The following DLC1 variants were observed in gnomAD, a reference collection of about 807,000 sequenced individuals.
DLC1 encodes the protein DLC1 Rho GTPase activating protein, also known as rho GTPase-activating protein 7.
Under a neutral mutation model 140.3 loss-of-function variants are expected in DLC1, and 54 were observed. The ratio of observed to expected loss-of-function variants is 0.38; its 90% CI spans 0.31 to 0.48. The LOEUF (loss-of-function observed/expected upper bound fraction) is 0.48, where lower values mean the gene tolerates loss of function less well. Among genes scored for constraint, DLC1 ranks in the 20% least tolerant of loss-of-function variants. The pLI is 0.96. For missense variants in DLC1, 2,536 were observed against 1,907.0 expected, an observed-to-expected ratio of 1.33 and a Z score of -6.14; for synonymous variants, 986 against 728.1, an observed-to-expected ratio of 1.35 and a Z score of -5.70.
Position 13,512,925 on chromosome 8 carries a change from G to T in DLC1, c.-126+1677C>A, listed in dbSNP as rs185546928. 1.9e-4 allele frequency among the ~76,000 whole-genome samples: 29 copies of T among 149,052 alleles called. No homozygotes were observed. The East Asian group carries it at 4.3e-3, about 22-fold the overall frequency. ...TGATTTGATTTTTTTTTAAAGTTAGGATTTTTTTCCCCACATAATTAACAT... is the reference window on the plus strand; with the variant it reads ...TGATTTGATTTTTTTTTAAAGTTAGTATTTTTTTCCCCACATAATTAACAT... On this transcript the variant is annotated intron_variant, in intron 1 of 17. Transcript: ENST00000276297.
intron 5 of DLC1, among the ~76,000 whole-genome samples, chr8:13,271,650 G>T (rs1455287161): frequency 6.6e-6 from 1 of 152,130 alleles, no homozygotes; most frequent in Non-Finnish European, 1.5e-5. Context: ...AGGCAATTCA[G>T]TTTTTTCTTC....
intron 2 of DLC1, among the ~76,000 whole-genome samples, chr8:13,419,768 GAAT>G (rs1838230371): frequency 6.6e-6 from 1 of 152,080 alleles, no homozygotes; most frequent in African/African-American, 2.4e-5. Context: ...CTATTGATTG[GAAT>G]AGTTTCAGAA....
chr8:13,455,996 G>T (rs943827706), intron 2 of DLC1, among the ~76,000 whole-genome samples: 1 of 152,202 alleles, frequency 6.6e-6, no homozygotes, highest in Non-Finnish European at 1.5e-5. Context: ...TCATTCATTT[G>T]TTCATTTGCT....
In DLC1 at chr8:13,092,723, T is replaced by C; in HGVS notation, c.3629A>G (p.Asp1210Gly). The C allele has an allele frequency of 6.2e-7, 1 of 1,614,132 alleles. No individual in the cohort carries two copies. Among genetic ancestry groups the C allele is most frequent in the Non-Finnish European group, 8.5e-7 (1 of 1,180,012 alleles). The change falls in exon 13 of 18, where the codon GAT becomes GGT. Residue 1210 changes from aspartate (D) to glycine (G), a missense_variant. By Grantham distance (94) the Asp-to-Gly change is moderately conservative (BLOSUM62 -1). Coordinates refer to ENST00000276297, the MANE Select transcript of DLC1 (RefSeq NM_182643.3). ...GTTTTCTTTTACGGCTGCTGTGACA[T>C]CGCTCAGGAAATAAAGCAGGGTCTG... is the stretch of plus-strand genomic sequence containing the variant. The part of the protein sequence containing the change: ...VLQTLLYFLS[D>G]VTAAVKENQM...
At chr8:13,182,197 T>C (rs2116981271) in intron 5 of DLC1, among the ~76,000 whole-genome samples, 1 of 152,262 alleles carries the variant, frequency 6.6e-6, no homozygotes. Flanking sequence ...TCTTTTTTTT[T>C]CATGTAAATT....
chr8:13,090,195 A>T (rs543221193), intron 15 of DLC1, 57 bp downstream of exon 15: 4 of 1,528,774 alleles, frequency 2.6e-6, no homozygotes, highest in African/African-American at 1.4e-5. Flanking sequence ...GTTATCTCTG[A>T]TGGACCCAAG....
chr8:13,161,297 G>T (rs1824678406), intron 5 of DLC1, among the ~76,000 whole-genome samples: 1 of 152,198 alleles, frequency 6.6e-6, no homozygotes, highest in Non-Finnish European at 1.5e-5. Flanking sequence ...ACTGAATGCA[G>T]TGAAAGGGAG....
intron 10 of DLC1, among the ~76,000 whole-genome samples, chr8:13,096,487 G>C (rs375395357): frequency 5.9e-5 from 9 of 152,238 alleles, no homozygotes; most frequent in Admixed American, 1.3e-4. Flanking sequence ...ATACAGTTAA[G>C]TGTGTGGTAT....
intron 1 of DLC1, among the ~76,000 whole-genome samples, chr8:13,544,124 A>G (rs960221006): frequency 1.3e-5 from 2 of 152,092 alleles, no homozygotes; most frequent in African/African-American, 4.8e-5. Context: ...TATAATATAT[A>G]TAGTAAACAA....
intron 5 of DLC1, among the ~76,000 whole-genome samples, chr8:13,143,055 A>G (rs1472761638): frequency 6.6e-6 from 1 of 151,958 alleles, no homozygotes; most frequent in Non-Finnish European, 1.5e-5. Context: ...AAAAAAAAAA[A>G]AAAGGCAGAA....
At chr8:13,309,017 G>A (rs144792596) in intron 4 of DLC1, among the ~76,000 whole-genome samples, 164 of 152,232 alleles carry the variant, frequency 1.1e-3, no homozygotes, top group African/African-American at 3.8e-3. Context: ...CTAAAACACC[G>A]AATGCCTATT....
intron 4 of DLC1, among the ~76,000 whole-genome samples, chr8:13,369,815 C>G (rs562034528): frequency 6.6e-6 from 1 of 151,792 alleles, no homozygotes; most frequent in East Asian, 1.9e-4. Context: ...CCAAAGTGGT[C>G]CACTTGAACC....
At chr8:13,432,595 C>G (rs1838929408) in intron 2 of DLC1, among the ~76,000 whole-genome samples, 1 of 152,146 alleles carries the variant, frequency 6.6e-6, no homozygotes, top group African/African-American at 2.4e-5. Flanking sequence ...TTTTGCTTTA[C>G]ACCCATGGAG....
intron 2 of DLC1, among the ~76,000 whole-genome samples, chr8:13,420,132 C>A (rs575957987): frequency 1.3e-5 from 2 of 152,094 alleles, no homozygotes; most frequent in East Asian, 3.9e-4. Flanking sequence ...TGCTAGCAGT[C>A]TATCAATTTT....
intron 4 of DLC1, chr8:13,339,665 C>T (rs1287493163): frequency 1.3e-5 from 2 of 152,150 alleles, no homozygotes; most frequent in Non-Finnish European, 2.9e-5. Flanking sequence ...TCTAAAATTG[C>T]ATGCCAAGTT....
chr8:13,346,740 T>C (rs554340329), intron 4 of DLC1, among the ~76,000 whole-genome samples: 2 of 152,306 alleles, frequency 1.3e-5, no homozygotes, highest in East Asian at 3.9e-4. Flanking sequence ...GTCTCCTTTT[T>C]ATTTCAAGCC....
chr8:13,452,507 C>T (rs1799112817), intron 2 of DLC1, among the ~76,000 whole-genome samples: 1 of 152,130 alleles, frequency 6.6e-6, no homozygotes, highest in Non-Finnish European at 1.5e-5. Flanking sequence ...TACTTTTCAA[C>T]CATTTGCTAA....
intron 6 of DLC1, among the ~76,000 whole-genome samples, chr8:13,114,938 T>A (rs1372527742): frequency 2.0e-5 from 3 of 152,180 alleles, no homozygotes; most frequent in African/African-American, 7.2e-5. Context: ...AAATTGAACA[T>A]ACATATTCTT....
At chr8:13,144,172 C>G (rs889886697) in intron 5 of DLC1, among the ~76,000 whole-genome samples, 1 of 152,170 alleles carries the variant, frequency 6.6e-6, no homozygotes, top group South Asian at 2.1e-4. Context: ...AACTGAGCAC[C>G]CAGATAGAAC....
Sources: gnomAD v4.1 joint callset for allele counts (sites outside exome capture counted in the v4.1 genomes callset) on GRCh38, gnomAD v4.1.1 for gene constraint, MANE v1.5 for transcripts, NCBI Gene and HGNC (gene_info 2026-07-23, HGNC 2026-07-21) for gene names.